The following LARGE1 variants were observed in gnomAD, a reference collection of about 807,000 sequenced individuals.
LARGE1 encodes xylosyl- and glucuronyltransferase LARGE1.
Under a neutral mutation model 87.6 loss-of-function variants are expected in LARGE1, and 43 were observed. The observed-to-expected ratio is 0.49, with a 90% confidence interval of 0.38 to 0.63. The LOEUF (loss-of-function observed/expected upper bound fraction) is 0.63. Among genes scored for constraint, LARGE1 ranks in the 30% least tolerant of loss-of-function variants. The probability of loss-of-function intolerance (pLI) is 0.00; values close to 1 mark genes in which losing one functional copy is unlikely to be tolerated. For synonymous variants in LARGE1, 434 were observed against 394.6 expected (o/e 1.10, Z -1.18); for missense variants, 802 against 1,000.2 (o/e 0.80, Z 2.67).
chr22:33,296,865 A>G (rs547762791), intron 12 of LARGE1, among the ~76,000 whole-genome samples: 7 of 152,062 alleles, frequency 4.6e-5, no homozygotes, highest in Non-Finnish European at 7.4e-5. Context: ...CACTGCGCCC[A>G]GCCCGCCAGT....
the LARGE1 span, among the ~76,000 whole-genome samples, chr22:33,124,029 T>C: frequency 6.6e-6 from 1 of 152,142 alleles, no homozygotes; most frequent in Non-Finnish European, 1.5e-5. Flanking sequence ...CTCACGTCTG[T>C]AACCCCAACA....
intron 2 of LARGE1, among the ~76,000 whole-genome samples, chr22:33,689,858 C>T (rs1055810504): frequency 7.9e-5 from 12 of 151,264 alleles, no homozygotes; most frequent in African/African-American, 7.3e-5. Context: ...ACCTGGGAGG[C>T]GGAGGTTGCA....
Position 33,184,088 on chromosome 22 carries a change from C to CCATATATATATATATATATATATATA in LARGE1, c.1731-17257_1731-17256insTATATATATATATATATATATATATG, listed in dbSNP as rs1555880735. Among the ~76,000 whole-genome samples the CCATATATATATATATATATATATATA allele has an allele frequency of 4.8e-5, 5 of 105,254 alleles. 1 individual carries two copies. The highest frequency in any genetic ancestry group is 1.7e-4 in the African/African-American group (5 of 28,738). The allele number at this position is 105,254 out of a possible 152,430, so 69.1% of individuals were successfully genotyped here. ...TAATTTGACTGTGGTAATCAGTACA[C>CCATATATATATATATATATATATATA]TATATATATATATATCATATCTTTA... is the stretch of plus-strand genomic sequence containing the variant. On this transcript the variant is annotated intron_variant, in intron 11 of 11. Coordinates refer to the LARGE1 transcript ENST00000608642.
chr22:33,658,879 G>C (rs2149219522), intron 2 of LARGE1, among the ~76,000 whole-genome samples: 1 of 152,306 alleles, frequency 6.6e-6, no homozygotes, highest in Non-Finnish European at 1.5e-5. Context: ...CATTTCCCCA[G>C]ACTCTCTAGA....
chr22:33,117,402 T>C, the LARGE1 span, among the ~76,000 whole-genome samples: 10 of 151,320 alleles, frequency 6.6e-5, no homozygotes, highest in African/African-American at 2.2e-4. Context: ...CCTTGAGTCA[T>C]AGATATTGTA....
chr22:33,120,175 T>C, the LARGE1 span, among the ~76,000 whole-genome samples: 3 of 152,084 alleles, frequency 2.0e-5, no homozygotes, highest in South Asian at 2.1e-4. Context: ...CTTAAGTCTA[T>C]ATATATGTAT....
At chr22:33,511,142 AT>A (rs1370344444) in intron 6 of LARGE1, among the ~76,000 whole-genome samples, 5 of 152,178 alleles carry the variant, frequency 3.3e-5, no homozygotes, top group Admixed American at 1.3e-4. Context: ...ATTTGGACAG[AT>A]GTTTCCACAT....
intron 4 of LARGE1, among the ~76,000 whole-genome samples, chr22:33,623,719 A>C (rs1020353248): frequency 3.3e-5 from 5 of 152,050 alleles, no homozygotes; most frequent in African/African-American, 7.2e-5. Flanking sequence ...AAAAAAAAAA[A>C]AAAAAACCTA....
At chr22:33,291,668 A>G (rs185567183) in intron 12 of LARGE1, among the ~76,000 whole-genome samples, 77 of 151,258 alleles carry the variant, frequency 5.1e-4, no homozygotes, top group Admixed American at 2.2e-3. Flanking sequence ...TTACATCAAT[A>G]CATTTAATAC....
chr22:33,298,872 AG>A (rs1002988482), intron 12 of LARGE1, among the ~76,000 whole-genome samples: 16 of 151,504 alleles, frequency 1.1e-4, no homozygotes, highest in African/African-American at 3.9e-4. Context: ...AAAAGAAAAA[AG>A]AAAAGAAAAA....
chr22:33,854,032 T>C (rs1334794929), intron 1 of LARGE1, among the ~76,000 whole-genome samples: 1 of 151,994 alleles, frequency 6.6e-6, no homozygotes, highest in African/African-American at 2.4e-5. Context: ...CAGACAGTCC[T>C]TGTAGAGGCT....
the LARGE1 span, among the ~76,000 whole-genome samples, chr22:33,141,257 A>G: frequency 6.6e-6 from 1 of 151,922 alleles, no homozygotes; most frequent in South Asian, 2.1e-4. Flanking sequence ...TCTTCCTTAT[A>G]TGACAAAAAA....
chr22:33,211,336 C>T (rs1602098333), intron 11 of LARGE1, among the ~76,000 whole-genome samples: 1 of 152,198 alleles, frequency 6.6e-6, no homozygotes, highest in Non-Finnish European at 1.5e-5. Flanking sequence ...GGAAGACACA[C>T]ACCTCTCACT....
chr22:33,598,323 G>A (rs562235490), intron 5 of LARGE1, among the ~76,000 whole-genome samples: 1 of 152,162 alleles, frequency 6.6e-6, no homozygotes, highest in African/African-American at 2.4e-5. Context: ...TAGAGGTGTT[G>A]TTGAGAAACA....
chr22:33,652,180 A>G (rs1190485946), intron 2 of LARGE1, among the ~76,000 whole-genome samples: 1 of 152,068 alleles, frequency 6.6e-6, no homozygotes, highest in African/African-American at 2.4e-5. Context: ...GTCTCAAAAC[A>G]AAAAACAAAA....
chr22:33,340,198 T>C (rs1239756664), intron 9 of LARGE1, among the ~76,000 whole-genome samples: 1 of 151,832 alleles, frequency 6.6e-6, no homozygotes, highest in Non-Finnish European at 1.5e-5. Context: ...AAAGACTCTG[T>C]AATTTGCCTG....
At chr22:33,315,455 A>G (rs546221233) in intron 11 of LARGE1, among the ~76,000 whole-genome samples, 19 of 152,226 alleles carry the variant, frequency 1.2e-4, no homozygotes, top group Admixed American at 6.5e-5. Flanking sequence ...TTCCAGCCGC[A>G]ATTGTAGCTC....
chr22:33,495,447 G>A (rs959770405), intron 6 of LARGE1, among the ~76,000 whole-genome samples: 5 of 152,180 alleles, frequency 3.3e-5, no homozygotes, highest in South Asian at 4.1e-4. Flanking sequence ...TTGGCTGGGC[G>A]TGGTGGCTCA....
intron 7 of LARGE1, among the ~76,000 whole-genome samples, chr22:33,395,817 G>A (rs2065722038): frequency 6.6e-6 from 1 of 152,208 alleles, no homozygotes; most frequent in Non-Finnish European, 1.5e-5. Context: ...TAAATGTTGT[G>A]GAAGCAGGGC....
Sources: gnomAD v4.1 joint callset for allele counts (sites outside exome capture counted in the v4.1 genomes callset) on GRCh38, gnomAD v4.1.1 for gene constraint, MANE v1.5 for transcripts, NCBI Gene and HGNC (gene_info 2026-07-23, HGNC 2026-07-21) for gene names.